Variants in ADCY2 observed in about 807,000 individuals in gnomAD.
ADCY2 encodes the protein adenylate cyclase 2, also known as adenylate cyclase type 2.
ADCY2 carries 31 observed loss-of-function variants against 125.2 expected under a neutral mutation model. That is an observed-to-expected ratio of 0.25 (90% CI 0.19 to 0.33). The LOEUF (loss-of-function observed/expected upper bound fraction) is 0.33. Among genes scored for constraint, ADCY2 ranks in the 10% least tolerant of loss-of-function variants. ADCY2 has a pLI of 1.00. For synonymous variants in ADCY2, 512 were observed against 548.4 expected, an observed-to-expected ratio of 0.93 and a Z score of 0.93; for missense variants, 904 against 1,418.2, an observed-to-expected ratio of 0.64 and a Z score of 5.82.
chr5:7,816,714 G>T, intron 22 of ADCY2, 152 bp from the exon 23 acceptor site: 1 of 629,060 alleles, frequency 1.6e-6, no homozygotes, highest in South Asian at 1.9e-5. Context: ...TCCTTGAGAT[G>T]GGATTTGATT....
intron 4 of ADCY2, among the ~76,000 whole-genome samples, chr5:7,658,390 T>C (rs1185809915): frequency 1.3e-5 from 2 of 148,302 alleles, no homozygotes; most frequent in East Asian, 4.0e-4. Context: ...TTTTCACCAG[T>C]GAAGAGAATT....
At chr5:7,524,168 G>A (rs1734366643) in intron 3 of ADCY2, among the ~76,000 whole-genome samples, 1 of 152,080 alleles carries the variant, frequency 6.6e-6, no homozygotes, top group African/African-American at 2.4e-5. Context: ...TGAAAATTAT[G>A]GATGGTATTC....
chr5:7,629,107 C>G (rs1389345694), intron 4 of ADCY2, among the ~76,000 whole-genome samples: 1 of 152,234 alleles, frequency 6.6e-6, no homozygotes, highest in African/African-American at 2.4e-5. Flanking sequence ...AGCCAGAAAA[C>G]AGTTTCAGTC....
In ADCY2 at chr5:7,507,440, C is replaced by T. The variant is rs989659622; in HGVS notation, c.409-13298C>T. 4.3e-3 allele frequency among the ~76,000 whole-genome samples: 204 copies of T among 46,972 alleles called. 14 individuals carry two copies. The highest frequency in any genetic ancestry group is 6.9e-3 in the Non-Finnish European group (171 of 24,910). 30.8% of individuals were successfully genotyped at this position (46,972 alleles called of 152,430 possible). A position where few individuals can be genotyped will look rare whatever the true frequency, so the allele number is the denominator to read the frequency against. ...TGGGCGACAGAGCGAGACTCCGTCT[C>T]AAAAAAAAAAAAAAAAAAAAAGGTA... On this transcript the variant is annotated intron_variant, in intron 2 of 24. Coordinates refer to ENST00000338316, the MANE Select transcript of ADCY2 (RefSeq NM_020546.3).
chr5:7,728,237 A>G (rs1741991258), intron 14 of ADCY2, among the ~76,000 whole-genome samples: 1 of 152,166 alleles, frequency 6.6e-6, no homozygotes, highest in South Asian at 2.1e-4. Context: ...GCAAACTACA[A>G]AGAAGTTGTC....
chr5:7,488,164 T>TC (rs1743013989), intron 2 of ADCY2, among the ~76,000 whole-genome samples: 2 of 152,090 alleles, frequency 1.3e-5, no homozygotes, highest in African/African-American at 2.4e-5. Context: ...GGGGGCAGTT[T>TC]CCCTCATACT....
In ADCY2 at chr5:7,459,772, A is replaced by ATTTTTTTTTTTTTTTTTTTTTTTTTTTT. The variant is rs3033085; in HGVS notation, c.408+45008_408+45035dup. ...GAACTATCTAGCAGTTTAAGAGGTAATTTTTTTTTTTTTTTTTTTTTTTTT... is the reference window on the plus strand; with the variant it reads ...GAACTATCTAGCAGTTTAAGAGGTAATTTTTTTTTTTTTTTTTTTTTTTTTTTTTTTTTTTTTTTTTTTTTTTTTTTTT... On this transcript the variant is annotated intron_variant, in intron 2 of 24. Coordinates refer to ENST00000338316, the MANE Select transcript of ADCY2 (RefSeq NM_020546.3). Among the ~76,000 whole-genome samples the ATTTTTTTTTTTTTTTTTTTTTTTTTTTT allele has an allele frequency of 2.7e-5, 2 of 72,818 alleles. 1 individual carries two copies. Among genetic ancestry groups the ATTTTTTTTTTTTTTTTTTTTTTTTTTTT allele is most frequent in the Non-Finnish European group, 4.8e-5 (2 of 41,318 alleles). 47.8% of individuals were successfully genotyped at this position (72,818 alleles called of 152,430 possible). A position where few individuals can be genotyped will look rare whatever the true frequency, so the allele number is the denominator to read the frequency against.
chr5:7,576,241 A>G (rs1736244417), intron 3 of ADCY2, among the ~76,000 whole-genome samples: 1 of 152,160 alleles, frequency 6.6e-6, no homozygotes, highest in African/African-American at 2.4e-5. Context: ...GCTGCCACAG[A>G]TGGTTCTGTG....
intron 1 of ADCY2, among the ~76,000 whole-genome samples, chr5:7,397,604 A>G (rs2111429308): frequency 6.6e-6 from 1 of 152,256 alleles, no homozygotes; most frequent in South Asian, 2.1e-4. Flanking sequence ...CATGCATAAA[A>G]TAGCTGTCCT....
At position 7,673,269 on chromosome 5, in the gene ADCY2, A is replaced by AAATATATATATATATAT. The variant is rs1554030659; in HGVS notation, c.721-17421_721-17420insATATATATATATATATA. ...AAAAAAAAAAAAAAAAAAAAAAAAA[A>AAATATATATATATATAT]ATATATATATATATATAAAATTAGC... On this transcript the variant is annotated intron_variant, in intron 4 of 24. Coordinates refer to ENST00000338316, the MANE Select transcript of ADCY2 (RefSeq NM_020546.3). Among the ~76,000 whole-genome samples, 5 of 3,934 alleles carry AAATATATATATATATAT rather than the reference A, an allele frequency of 1.3e-3. 1 individual carries two copies. Among genetic ancestry groups the AAATATATATATATATAT allele is most frequent in the Non-Finnish European group, 1.7e-3 (3 of 1,806 alleles). 2.6% of individuals were successfully genotyped at this position (3,934 alleles called of 152,430 possible). A position where few individuals can be genotyped will look rare whatever the true frequency, so the allele number is the denominator to read the frequency against.
At chr5:7,723,367 A>G (rs1198311122) in intron 12 of ADCY2, among the ~76,000 whole-genome samples, 1 of 152,154 alleles carries the variant, frequency 6.6e-6, no homozygotes, top group Non-Finnish European at 1.5e-5. Context: ...TCTCTGCCCC[A>G]GTTGAAAGTG....
At position 7,473,135 on chromosome 5, in the gene ADCY2, T is replaced by C. The variant is rs1230061279; in HGVS notation, c.409-47603T>C. Reference sequence around the variant, plus strand: ...AATCTGGATAGAGGATGCTTTCCTGTCCCTTCCCCAGGCATAAAGGGTGTC... The same window carrying C: ...AATCTGGATAGAGGATGCTTTCCTGCCCCTTCCCCAGGCATAAAGGGTGTC... On this transcript the variant is annotated intron_variant, in intron 2 of 24. Transcript: ENST00000338316. Among the ~76,000 whole-genome samples, 3 of 152,098 alleles carry C rather than the reference T, an allele frequency of 2.0e-5. No homozygotes were observed. The South Asian group carries it at 6.2e-4, about 32-fold the overall frequency.
intron 4 of ADCY2, among the ~76,000 whole-genome samples, chr5:7,658,399 T>TTGTGTGTGTGTGTATG (rs1554029016): frequency 1.5e-5 from 2 of 130,944 alleles, no homozygotes; most frequent in Admixed American, 7.6e-5. Flanking sequence ...GTGAAGAGAA[T>TTGTGTGTGTGTGTATG]TGTGTGTGTG....
chr5:7,564,395 A>G (rs1442576592), intron 3 of ADCY2, among the ~76,000 whole-genome samples: 2 of 152,224 alleles, frequency 1.3e-5, no homozygotes, highest in East Asian at 1.9e-4. Context: ...AGTGCAAACA[A>G]TAACCATGGC....
intron 7 of ADCY2, among the ~76,000 whole-genome samples, chr5:7,702,377 G>C (rs12518023): frequency 0.8 from 120,927 of 151,104 alleles, 48,795 homozygotes; most frequent in South Asian, 0.86. Context: ...ATCCCTCCCC[G>C]CTCCTCCCAC....
chr5:7,496,390 T>C (rs764731766), intron 2 of ADCY2, among the ~76,000 whole-genome samples: 6 of 152,200 alleles, frequency 3.9e-5, no homozygotes, highest in Non-Finnish European at 8.8e-5. Context: ...TGGGTAACAC[T>C]GTACTTAACC....
intron 2 of ADCY2, among the ~76,000 whole-genome samples, chr5:7,493,253 G>C (rs1427037448): frequency 6.6e-6 from 1 of 152,146 alleles, no homozygotes; most frequent in Non-Finnish European, 1.5e-5. Context: ...ATCTCTCCAT[G>C]AGCTGTCAAT....
At chr5:7,528,569 A>T (rs1734547355) in intron 3 of ADCY2, among the ~76,000 whole-genome samples, 1 of 152,200 alleles carries the variant, frequency 6.6e-6, no homozygotes. Context: ...GAATTTATTT[A>T]AAAATAAAAA....
intron 2 of ADCY2, among the ~76,000 whole-genome samples, chr5:7,508,685 AC>A (rs1197101905): frequency 2.6e-5 from 4 of 152,152 alleles, no homozygotes; most frequent in Admixed American, 6.6e-5. Context: ...TGGGGAGCAC[AC>A]TTCACCTGCC....
Sources: allele counts gnomAD v4.1 joint callset (sites outside exome capture counted in the v4.1 genomes callset), GRCh38; gene constraint gnomAD v4.1.1; transcripts MANE v1.5; gene names NCBI Gene and HGNC (gene_info 2026-07-23, HGNC 2026-07-21).